Variants in STAP1 observed in about 807,000 individuals in gnomAD.
The protein encoded by STAP1 is signal-transducing adaptor protein 1.
Under a neutral mutation model 37.8 loss-of-function variants are expected in STAP1, and 30 were observed. The ratio of observed to expected loss-of-function variants is 0.79; its 90% CI spans 0.59 to 1.08. STAP1 has a LOEUF of 1.08. STAP1 is among the 50% of genes least tolerant of loss of function. The probability of loss-of-function intolerance (pLI) is 0.00; values close to 1 mark genes in which losing one functional copy is unlikely to be tolerated. For synonymous variants in STAP1, 130 were observed against 116.0 expected (o/e 1.12, Z -0.78); for missense variants, 357 against 349.4 (o/e 1.02, Z -0.17).
chr4:67,583,436 T>C, intron 5 of STAP1, 138 bp from the exon 6 acceptor site: 1 of 848,494 alleles, frequency 1.2e-6, no homozygotes, highest in Non-Finnish European at 1.8e-6. Context: ...TGTAATTACA[T>C]AATTGGAATA....
chr4:67,582,165 C>G (rs570052425), intron 5 of STAP1, among the ~76,000 whole-genome samples: 1 of 152,120 alleles, frequency 6.6e-6, no homozygotes, highest in South Asian at 2.1e-4. Context: ...AACTGATGGA[C>G]TGATAAGTTA....
At chr4:67,596,611 G>A (rs1728231434) in intron 8 of STAP1, among the ~76,000 whole-genome samples, 2 of 152,204 alleles carry the variant, frequency 1.3e-5, no homozygotes, top group African/African-American at 2.4e-5. Flanking sequence ...CAGGCTAGGT[G>A]GTCTCCAATA....
chr4:67,600,303 A>G (rs1728312579), intron 8 of STAP1, among the ~76,000 whole-genome samples: 2 of 152,080 alleles, frequency 1.3e-5, no homozygotes, highest in African/African-American at 2.4e-5. Context: ...ATGTGTTTGT[A>G]TAGTTTCCAA....
intron 4 of STAP1, among the ~76,000 whole-genome samples, chr4:67,578,404 T>G (rs1727773822): frequency 6.6e-6 from 1 of 152,250 alleles, no homozygotes; most frequent in Admixed American, 6.5e-5. Flanking sequence ...AGTTGATGGA[T>G]GCAGGTTCTT....
chr4:67,567,255 A>G (rs1051303217), intron 1 of STAP1, among the ~76,000 whole-genome samples: 1 of 152,148 alleles, frequency 6.6e-6, no homozygotes, highest in Admixed American at 6.5e-5. Context: ...AGGACCATTT[A>G]TTGGCTGATC....
chr4:67,592,232 G>A (rs755001392), intron 7 of STAP1, among the ~76,000 whole-genome samples: 1 of 151,986 alleles, frequency 6.6e-6, no homozygotes, highest in African/African-American at 2.4e-5. Flanking sequence ...GGGCTCAAGC[G>A]ATCCTCCTAC....
intron 4 of STAP1, among the ~76,000 whole-genome samples, chr4:67,577,548 C>T (rs1044428689): frequency 6.6e-5 from 10 of 151,854 alleles, no homozygotes; most frequent in African/African-American, 2.4e-4. Context: ...ACTTTTTGGT[C>T]TTATCTGTTT....
chr4:67,603,049 C>G (rs1236392129), intron 8 of STAP1, among the ~76,000 whole-genome samples: 2 of 151,954 alleles, frequency 1.3e-5, no homozygotes, highest in Non-Finnish European at 2.9e-5. Context: ...GGAACCTCAG[C>G]AATCTATTTG....
In STAP1 at chr4:67,580,665, T is replaced by C. The variant is rs138581204; in HGVS notation, c.364-640T>C. 5.9e-5 allele frequency among the ~76,000 whole-genome samples: 9 copies of C among 152,296 alleles called. No homozygotes were observed. In the East Asian group the frequency reaches 1.7e-3, roughly 29 times the overall value. ...AGAGCTGGTCATAATGAGGTCAAAA[T>C]TGCAGGTATGAATATAAATCAGAAG... On this transcript the variant is annotated intron_variant, in intron 4 of 8. Coordinates refer to ENST00000265404, the MANE Select transcript of STAP1 (RefSeq NM_012108.4).
intron 2 of STAP1, among the ~76,000 whole-genome samples, chr4:67,572,627 C>T (rs1289513720): frequency 6.6e-6 from 1 of 152,172 alleles, no homozygotes. Context: ...AACAAAAGAT[C>T]TCCAACACAG....
chr4:67,580,357 G>A (rs1727823995), intron 4 of STAP1, among the ~76,000 whole-genome samples: 1 of 151,886 alleles, frequency 6.6e-6, no homozygotes, highest in Non-Finnish European at 1.5e-5. Flanking sequence ...CTTTTTTATT[G>A]TGTATCTGTA....
chr4:67,569,797 T>C (rs1419063870), intron 1 of STAP1, among the ~76,000 whole-genome samples: 2 of 152,188 alleles, frequency 1.3e-5, no homozygotes, highest in African/African-American at 2.4e-5. Context: ...TTGCATGATC[T>C]TGGCTCATTG....
chr4:67,571,127 T>C lies in STAP1; in HGVS notation c.164T>C (p.Phe55Ser), dbSNP rs1727596116. Residue 55 changes from phenylalanine (F) to serine (S), a missense_variant, in exon 2 of 9, where the codon TTC becomes TCC. Physicochemically the swap from Phe to Ser is radical, Grantham distance 155. Transcript: ENST00000265404. ...ACAGAGTTGAGAGGAACTACTCTTT[T>C]CTTTTATACCGACAAAAAGAGTATA... ...YWTELRGTTLFFYTDKKSIIY... is the reference protein window; with the variant it reads ...YWTELRGTTLSFYTDKKSIIY... 6.2e-7 allele frequency: 1 copy of C among 1,611,606 alleles called. No individual in the cohort carries two copies. Among genetic ancestry groups the C allele is most frequent in the Non-Finnish European group, 8.5e-7 (1 of 1,177,840 alleles).
chr4:67,598,399 A>C (rs1013052640), intron 8 of STAP1, among the ~76,000 whole-genome samples: 56 of 152,178 alleles, frequency 3.7e-4, no homozygotes, highest in African/African-American at 1.3e-3. Context: ...TCCCACTAAC[A>C]GTGTATGAAG....
intron 2 of STAP1, among the ~76,000 whole-genome samples, chr4:67,573,676 GT>G (rs1200767854): frequency 6.6e-6 from 1 of 152,028 alleles, no homozygotes; most frequent in Non-Finnish European, 1.5e-5. Context: ...TATATACATT[GT>G]GGAATGGTTA....
chr4:67,562,601 T>TAAAA (rs34000253), intron 1 of STAP1, among the ~76,000 whole-genome samples: 5,326 of 117,048 alleles, frequency 0.046, 205 homozygotes, highest in Admixed American at 0.15. Context: ...CTGTCTCTAC[T>TAAAA]AAAAAAAAAA....
At chr4:67,581,270 T>C (rs1428778822) in intron 4 of STAP1, 35 bp from the exon 5 acceptor site, 1 of 1,597,242 alleles carries the variant, frequency 6.3e-7, no homozygotes. Context: ...TATTAAGCTG[T>C]TTTCTTGCCT....
chr4:67,568,137 C>G (rs6826751), intron 1 of STAP1, among the ~76,000 whole-genome samples: 1 of 151,910 alleles, frequency 6.6e-6, no homozygotes, highest in Non-Finnish European at 1.5e-5. Context: ...GTTATAGAGT[C>G]GTCATTATTT....
At chr4:67,573,196 T>C (rs1313899638) in intron 2 of STAP1, among the ~76,000 whole-genome samples, 2 of 152,084 alleles carry the variant, frequency 1.3e-5, no homozygotes, top group African/African-American at 4.8e-5. Context: ...AAAGAAGAGA[T>C]TAGGACAATG....
Sources: gnomAD v4.1 joint callset for allele counts (sites outside exome capture counted in the v4.1 genomes callset) on GRCh38, gnomAD v4.1.1 for gene constraint, MANE v1.5 for transcripts, NCBI Gene and HGNC (gene_info 2026-07-23, HGNC 2026-07-21) for gene names.